LGR5: variants seen among roughly 807,000 people sequenced by gnomAD.
The protein encoded by LGR5 is leucine-rich repeat-containing G protein-coupled receptor 5.
Under a neutral mutation model 76.7 loss-of-function variants are expected in LGR5, and 54 were observed. That is an observed-to-expected ratio of 0.70 (90% confidence interval 0.57 to 0.88). The LOEUF is 0.88. LGR5 is among the 40% of genes least tolerant of loss of function. The pLI is 0.00. For missense variants in LGR5, 1,078 were observed against 1,073.3 expected, an observed-to-expected ratio of 1.00 and a Z score of -0.06; for synonymous variants, 406 against 421.9, an observed-to-expected ratio of 0.96 and a Z score of 0.46.
At chr12:71,536,347 A>T (rs964805745) in intron 4 of LGR5, among the ~76,000 whole-genome samples, 1 of 152,152 alleles carries the variant, frequency 6.6e-6, no homozygotes, top group African/African-American at 2.4e-5. Flanking sequence ...TTTCTTTTTA[A>T]TGAAAGAAAA....
intron 1 of LGR5, among the ~76,000 whole-genome samples, chr12:71,450,120 G>A (rs1164342335): frequency 2.6e-5 from 4 of 152,064 alleles, no homozygotes; most frequent in Non-Finnish European, 4.4e-5. Flanking sequence ...TGAAAATCAC[G>A]CAGCTAGCAA....
At chr12:71,579,726 C>T (rs556188121) in intron 15 of LGR5, among the ~76,000 whole-genome samples, 2 of 152,158 alleles carry the variant, frequency 1.3e-5, no homozygotes, top group South Asian at 2.1e-4. Context: ...ATTGAATAGT[C>T]GGTGTTATTT....
At chr12:71,557,867 G>A (rs1877853061) in intron 6 of LGR5, among the ~76,000 whole-genome samples, 1 of 152,184 alleles carries the variant, frequency 6.6e-6, no homozygotes, top group African/African-American at 2.4e-5. Flanking sequence ...TGCTGGCTCT[G>A]ACCAGAACTG....
chr12:71,578,587 G>T (rs912895364), intron 14 of LGR5, among the ~76,000 whole-genome samples: 4 of 152,092 alleles, frequency 2.6e-5, no homozygotes, highest in Non-Finnish European at 5.9e-5. Flanking sequence ...AGAACAATTT[G>T]AATACAATTA....
chr12:71,448,678 T>G (rs1453113896), intron 1 of LGR5: 1 of 152,262 alleles, frequency 6.6e-6, no homozygotes, highest in African/African-American at 2.4e-5. Flanking sequence ...TATGTGATTA[T>G]GAAAACCAAA....
intron 3 of LGR5, 51 bp from the exon 4 acceptor site, chr12:71,535,064 T>C: frequency 7.7e-7 from 1 of 1,306,038 alleles, no homozygotes; most frequent in South Asian, 1.2e-5. Context: ...TGTTTAGGCC[T>C]GTTATTGTTC....
chr12:71,477,147 T>C (rs921276856), intron 1 of LGR5, among the ~76,000 whole-genome samples: 1 of 151,978 alleles, frequency 6.6e-6, no homozygotes, highest in African/African-American at 2.4e-5. Context: ...AATAGGAAGA[T>C]CCACTGAAAG....
At position 71,580,704 on chromosome 12, in the gene LGR5, A is replaced by G. The variant is rs187190161; in HGVS notation, c.1552+281A>G. ...TCCCAGGTACTTGGGAGGCTGAGGT[A>G]TGAGAATCGCTTCAACCCGGGAGGC... On this transcript the variant is annotated intron_variant, in intron 16 of 17. Transcript: ENST00000266674. 1.9e-3 allele frequency among the ~76,000 whole-genome samples: 293 copies of G among 152,236 alleles called. 3 individuals are homozygous for G. The highest frequency in any genetic ancestry group is 6.8e-3 in the African/African-American group (281 of 41,548).
At position 71,584,098 on chromosome 12, in the gene LGR5, C is replaced by T. The variant is rs376301601; in HGVS notation, c.2088C>T (p.Ala696=). 37 of 1,614,206 alleles carry T rather than the reference C, an allele frequency of 2.3e-5. No individual in the cohort carries two copies. In the African/African-American group the frequency reaches 2.8e-4, roughly 12 times the overall value. ...GTGCCCTGCTGGCCTTGACCATGGC[C>T]GCAGTTCCCCTGCTGGGTGGCAGCA... The part of the protein sequence containing the change: ...LLCALLALTM[A]AVPLLGGSKY... The change falls in exon 18 of 18, where the codon GCC becomes GCT. Residue 696 remains alanine, a synonymous_variant. Transcript: ENST00000266674.
chr12:71,474,572 G>C (rs1355195955), intron 1 of LGR5, among the ~76,000 whole-genome samples: 2 of 152,266 alleles, frequency 1.3e-5, no homozygotes, highest in East Asian at 3.9e-4. Flanking sequence ...GGTATTTAAA[G>C]TTTATAAACG....
chr12:71,521,479 A>C (rs1565716698), intron 2 of LGR5, among the ~76,000 whole-genome samples: 1 of 152,170 alleles, frequency 6.6e-6, no homozygotes, highest in Non-Finnish European at 1.5e-5. Context: ...ATGTTGTCTC[A>C]CCAGTACCAC....
At chr12:71,565,422 CTATA>C (rs1209363296) in intron 8 of LGR5, among the ~76,000 whole-genome samples, 1 of 13,966 alleles carries the variant, frequency 7.2e-5, no homozygotes, top group African/African-American at 9.2e-5. Flanking sequence ...ATCAATTGAG[CTATA>C]TATATATATA....
chr12:71,554,311 T>C (rs1877651936), intron 5 of LGR5, among the ~76,000 whole-genome samples: 1 of 152,078 alleles, frequency 6.6e-6, no homozygotes, highest in African/African-American at 2.4e-5. Flanking sequence ...GATGAGGGCC[T>C]TAAGACCACA....
At chr12:71,565,409 T>C (rs1459434544) in intron 8 of LGR5, among the ~76,000 whole-genome samples, 1 of 58,018 alleles carries the variant, frequency 1.7e-5, no homozygotes, top group Non-Finnish European at 4.2e-5. Flanking sequence ...AGTTGTTGCA[T>C]GGATCAATTG....
At chr12:71,483,754 G>A (rs961510720) in intron 1 of LGR5, among the ~76,000 whole-genome samples, 3 of 152,086 alleles carry the variant, frequency 2.0e-5, no homozygotes, top group Non-Finnish European at 2.9e-5. Context: ...TAGGTTGCAT[G>A]TGTGTGTTTG....
intron 1 of LGR5, among the ~76,000 whole-genome samples, chr12:71,456,804 A>T (rs1317884081): frequency 2.0e-5 from 3 of 152,212 alleles, no homozygotes; most frequent in Non-Finnish European, 4.4e-5. Flanking sequence ...AAGGAATAGC[A>T]TTCATTTAAA....
chr12:71,542,011 A>C (rs929070174), intron 4 of LGR5, among the ~76,000 whole-genome samples: 1 of 152,232 alleles, frequency 6.6e-6, no homozygotes, highest in African/African-American at 2.4e-5. Context: ...AAGAAAGGGA[A>C]GTTGGAATGC....
At chr12:71,548,326 C>T (rs199733354) in intron 4 of LGR5, among the ~76,000 whole-genome samples, 20 of 31,322 alleles carry the variant, frequency 6.4e-4, no homozygotes, top group East Asian at 1.7e-3. Context: ...TGTGTGTGTG[C>T]GTAGATACAT....
intron 1 of LGR5, among the ~76,000 whole-genome samples, chr12:71,498,823 C>T (rs1212846902): frequency 1.3e-5 from 2 of 152,120 alleles, no homozygotes; most frequent in Non-Finnish European, 2.9e-5. Context: ...AGGAGAACAT[C>T]CTTGGTGGTC....
Sources: allele counts gnomAD v4.1 joint callset (sites outside exome capture counted in the v4.1 genomes callset), GRCh38; gene constraint gnomAD v4.1.1; transcripts MANE v1.5; gene names NCBI Gene and HGNC (gene_info 2026-07-23, HGNC 2026-07-21).